Variants in RCAN2 observed in about 807,000 individuals in gnomAD.
RCAN2 encodes regulator of calcineurin 2, also known as calcipressin-2.
A neutral mutation model predicts 23.6 loss-of-function variants in RCAN2; 9 were observed. The ratio of observed to expected loss-of-function variants is 0.38; its 90% CI spans 0.23 to 0.67. RCAN2 has a LOEUF of 0.67. RCAN2 is among the 30% of genes least tolerant of loss of function. The pLI is 0.51. For synonymous variants in RCAN2, 109 were observed against 115.7 expected (o/e 0.94, Z 0.37); for missense variants, 273 against 302.3 (o/e 0.90, Z 0.72).
intron 2 of RCAN2, among the ~76,000 whole-genome samples, chr6:46,413,955 A>G (rs1312804267): frequency 6.6e-6 from 1 of 152,154 alleles, no homozygotes; most frequent in East Asian, 1.9e-4. Flanking sequence ...TAGCAAGACC[A>G]CGGCCCCCAG....
intron 2 of RCAN2, among the ~76,000 whole-genome samples, chr6:46,296,095 G>GTC (rs1452606113): frequency 6.6e-6 from 1 of 150,572 alleles, no homozygotes; most frequent in Non-Finnish European, 1.5e-5. Context: ...GTGTGTGTGT[G>GTC]TGTGTGTGTC....
intron 2 of RCAN2, among the ~76,000 whole-genome samples, chr6:46,294,375 T>C (rs915221923): frequency 2.0e-5 from 3 of 152,180 alleles, no homozygotes; most frequent in African/African-American, 7.2e-5. Context: ...AATAATTTGT[T>C]ATCTCTTTTC....
intron 1 of RCAN2, among the ~76,000 whole-genome samples, chr6:46,474,297 C>T (rs1487960194): frequency 6.6e-6 from 1 of 151,986 alleles, no homozygotes; most frequent in Non-Finnish European, 1.5e-5. Flanking sequence ...GAGCTTACTA[C>T]ATATTAAAAG....
At chr6:46,406,483 A>C (rs1187130726) in intron 2 of RCAN2, among the ~76,000 whole-genome samples, 1 of 152,216 alleles carries the variant, frequency 6.6e-6, no homozygotes, top group African/African-American at 2.4e-5. Flanking sequence ...TTATCAAAGC[A>C]ATAAACCCTT....
intron 4 of RCAN2, among the ~76,000 whole-genome samples, chr6:46,228,074 G>T (rs1765740842): frequency 6.6e-6 from 1 of 152,198 alleles, no homozygotes; most frequent in African/African-American, 2.4e-5. Context: ...TTTCCATGAA[G>T]TTGAGTGGTT....
intron 2 of RCAN2, among the ~76,000 whole-genome samples, chr6:46,386,687 T>C (rs1284322601): frequency 1.3e-5 from 2 of 151,274 alleles, no homozygotes; most frequent in African/African-American, 4.9e-5. Context: ...CAATGGATTA[T>C]TAAAAACTCA....
chr6:46,410,059 C>T (rs1288439741), intron 2 of RCAN2, among the ~76,000 whole-genome samples: 1 of 152,068 alleles, frequency 6.6e-6, no homozygotes, highest in Non-Finnish European at 1.5e-5. Context: ...CTTCTCCTAC[C>T]CTTGGACATC....
At chr6:46,439,422 T>C (rs1261826092) in intron 2 of RCAN2, among the ~76,000 whole-genome samples, 1 of 152,234 alleles carries the variant, frequency 6.6e-6, no homozygotes, top group African/African-American at 2.4e-5. Flanking sequence ...GCATGTTGTG[T>C]TTAAATAGAA....
chr6:46,369,776 C>G (rs148889242), intron 2 of RCAN2, among the ~76,000 whole-genome samples: 332 of 152,344 alleles, frequency 2.2e-3, no homozygotes, highest in Middle Eastern at 0.02. Flanking sequence ...ATCATTCATG[C>G]TTTAGAGATT....
At chr6:46,407,046 A>T (rs951966389) in intron 2 of RCAN2, among the ~76,000 whole-genome samples, 5 of 152,190 alleles carry the variant, frequency 3.3e-5, no homozygotes, top group African/African-American at 1.2e-4. Flanking sequence ...CTCCTGGGGC[A>T]TGGAACTGAG....
intron 4 of RCAN2, among the ~76,000 whole-genome samples, chr6:46,227,440 T>C (rs1459807814): frequency 6.6e-6 from 1 of 152,232 alleles, no homozygotes; most frequent in African/African-American, 2.4e-5. Context: ...TCGTAGGCTA[T>C]CAATTATTGC....
chr6:46,287,573 T>G (rs1762414570), intron 2 of RCAN2, among the ~76,000 whole-genome samples: 1 of 152,264 alleles, frequency 6.6e-6, no homozygotes, highest in Non-Finnish European at 1.5e-5. Flanking sequence ...TGACTTCCAT[T>G]ATGGGTCCCT....
chr6:46,362,268 G>C (rs1316586626), intron 2 of RCAN2, among the ~76,000 whole-genome samples: 1 of 152,022 alleles, frequency 6.6e-6, no homozygotes, highest in African/African-American at 2.4e-5. Context: ...CCACTCAAGG[G>C]GAGTGAATTC....
rs576576641 is a variant in RCAN2 at position 46,237,640 on chromosome 6, G to A, written c.571+9108C>T. Among the ~76,000 whole-genome samples, 47 of 152,198 alleles carry A rather than the reference G, an allele frequency of 3.1e-4. 1 individual carries two copies. The highest frequency in any genetic ancestry group is 1.5e-3 in the South Asian group (7 of 4,820). On this transcript the variant is annotated intron_variant, in intron 4 of 4. Transcript: ENST00000371374. ...AATATAGTACAGGTTGTTGTGTATC[G>A]CTAATCCCAAAATATCCAAAATCCA...
At chr6:46,268,291 GT>G (rs1301738332) in intron 2 of RCAN2, among the ~76,000 whole-genome samples, 1 of 152,088 alleles carries the variant, frequency 6.6e-6, no homozygotes, top group African/African-American at 2.4e-5. Flanking sequence ...TATCTCATTG[GT>G]AACTCCACAA....
Position 46,247,031 on chromosome 6 carries a change from C to T in RCAN2, c.400-112G>A, listed in dbSNP as rs1452461869. 4.8e-6 allele frequency: 4 copies of T among 841,850 alleles called. No individual in the cohort carries two copies. The Admixed American group carries it at 1.2e-4, about 26-fold the overall frequency. 52.1% of individuals were successfully genotyped at this position (841,850 alleles called of 1,614,324 possible). On this transcript the variant is annotated intron_variant, in intron 3 of 4. Coordinates refer to ENST00000371374, the MANE Select transcript of RCAN2 (RefSeq NM_001251974.2). Reference sequence around the variant, plus strand: ...AGCCTGCGACAAATGAACCGATGAACCCGACCGTAATAATAATTACCACTT... The same window carrying T: ...AGCCTGCGACAAATGAACCGATGAATCCGACCGTAATAATAATTACCACTT...
At chr6:46,468,304 T>TCATC (rs1343937160) in intron 1 of RCAN2, among the ~76,000 whole-genome samples, 1 of 152,204 alleles carries the variant, frequency 6.6e-6, no homozygotes, top group African/African-American at 2.4e-5. Context: ...TTTTATCAGG[T>TCATC]CATCTTCAAC....
Position 46,248,878 on chromosome 6 carries a change from A to C in RCAN2, c.244T>G (p.Phe82Val). ...EESKEKFEGLFRTYDDCVTFQ... is the reference protein window; with the variant it reads ...EESKEKFEGLVRTYDDCVTFQ... ...GTCACACAGTCATCATAAGTCCGAA[A>C]CAGTCCCTCAAATTTTTCCTGATAA... Residue 82 changes from phenylalanine to valine, a missense_variant, in exon 3 of 5, where the codon TTT becomes GTT. Transcript: ENST00000371374. The C allele has an allele frequency of 6.2e-7, 1 of 1,605,246 alleles. No individual in the cohort carries two copies.
chr6:46,353,397 AG>A (rs1764722347), intron 2 of RCAN2, among the ~76,000 whole-genome samples: 1 of 152,188 alleles, frequency 6.6e-6, no homozygotes, highest in Non-Finnish European at 1.5e-5. Flanking sequence ...CAGTATCTAG[AG>A]ACAGTGCAGG....
Sources: gnomAD v4.1 joint callset for allele counts (sites outside exome capture counted in the v4.1 genomes callset) on GRCh38, gnomAD v4.1.1 for gene constraint, MANE v1.5 for transcripts, NCBI Gene and HGNC (gene_info 2026-07-23, HGNC 2026-07-21) for gene names.